Variants in SNX29 observed in about 807,000 individuals in gnomAD.
The protein encoded by SNX29 is sorting nexin-29.
A neutral mutation model predicts 102.1 loss-of-function variants in SNX29; 78 were observed. That is an observed-to-expected ratio of 0.76 (90% CI 0.64 to 0.92). The LOEUF is 0.92. SNX29 is among the 40% of genes least tolerant of loss of function. The pLI, the probability that SNX29 is intolerant of heterozygous loss-of-function variation, is 0.00. For synonymous variants in SNX29, 580 were observed against 414.5 expected (o/e 1.40, Z -4.85); for missense variants, 1,280 against 1,061.7 (o/e 1.21, Z -2.86).
chr16:12,144,038 T>A (rs972927363), intron 13 of SNX29, among the ~76,000 whole-genome samples: 7 of 152,176 alleles, frequency 4.6e-5, no homozygotes, highest in African/African-American at 1.7e-4. Context: ...AGAGATTAAA[T>A]TCTCATTGAG....
At position 12,313,773 on chromosome 16, in the gene SNX29, G is replaced by T. The variant is rs139722728; in HGVS notation, c.1782+35737G>T. On this transcript the variant is annotated intron_variant, in intron 15 of 20. Coordinates refer to ENST00000566228, the MANE Select transcript of SNX29 (RefSeq NM_032167.5). Reference sequence around the variant, plus strand: ...TGCCCCATTGGTATCAGTTGAGTCAGTGATTCTGTATGTGACAGATGATCA... The same window carrying T: ...TGCCCCATTGGTATCAGTTGAGTCATTGATTCTGTATGTGACAGATGATCA... Among the ~76,000 whole-genome samples the T allele has an allele frequency of 2.8e-4, 42 of 152,362 alleles. No individual in the cohort carries two copies. In the East Asian group the frequency reaches 6.8e-3, roughly 25 times the overall value.
At chr16:12,558,769 C>G (rs544871961) in intron 20 of SNX29, among the ~76,000 whole-genome samples, 1 of 152,230 alleles carries the variant, frequency 6.6e-6, no homozygotes, top group Admixed American at 6.5e-5. Flanking sequence ...GTGATCATCC[C>G]GCATTGTACA....
intron 2 of SNX29, 33 bp from the exon 3 acceptor site, chr16:12,002,957 AC>A (rs763330383): frequency 1.2e-6 from 2 of 1,613,892 alleles, no homozygotes; most frequent in Non-Finnish European, 1.7e-6. Context: ...TCCCATCCCA[AC>A]AGCTGATCTC....
chr16:12,408,539 G>T (rs902970102), intron 18 of SNX29, among the ~76,000 whole-genome samples: 1 of 152,236 alleles, frequency 6.6e-6, no homozygotes. Flanking sequence ...AAAGTCCTCC[G>T]GCCAGGTGCA....
At chr16:12,475,155 T>C (rs1413306133) in intron 18 of SNX29, among the ~76,000 whole-genome samples, 2 of 152,214 alleles carry the variant, frequency 1.3e-5, no homozygotes, top group African/African-American at 4.8e-5. Context: ...CCAGAAAGGT[T>C]GCACTGCTTG....
At chr16:12,506,422 TA>T (rs1205633469) in intron 19 of SNX29, among the ~76,000 whole-genome samples, 1 of 152,196 alleles carries the variant, frequency 6.6e-6, no homozygotes, top group Non-Finnish European at 1.5e-5. Context: ...TTGAAAGGAT[TA>T]TTCTAGTGCT....
intron 20 of SNX29, among the ~76,000 whole-genome samples, chr16:12,543,025 G>C (rs1406817955): frequency 9.2e-5 from 14 of 152,272 alleles, no homozygotes; most frequent in Admixed American, 6.5e-4. Context: ...GGAATGGCTG[G>C]ATCCAGAGGC....
intron 8 of SNX29, among the ~76,000 whole-genome samples, chr16:12,060,612 A>G (rs943121792): frequency 6.6e-6 from 1 of 152,166 alleles, no homozygotes; most frequent in East Asian, 1.9e-4. Context: ...CTAAAACAAA[A>G]CAAGGGACTT....
At chr16:12,495,909 C>G (rs1462311269) in intron 19 of SNX29, among the ~76,000 whole-genome samples, 2 of 152,090 alleles carry the variant, frequency 1.3e-5, no homozygotes, top group African/African-American at 4.8e-5. Context: ...AAAAATTAGA[C>G]AGATACGGTG....
chr16:12,186,072 C>T (rs186121637), intron 13 of SNX29, among the ~76,000 whole-genome samples: 1 of 152,094 alleles, frequency 6.6e-6, no homozygotes, highest in Non-Finnish European at 1.5e-5. Context: ...ATTTAATATG[C>T]TGTTTTTATA....
At chr16:12,054,166 C>A (rs561836284) in intron 8 of SNX29, among the ~76,000 whole-genome samples, 1 of 152,292 alleles carries the variant, frequency 6.6e-6, no homozygotes, top group African/African-American at 2.4e-5. Context: ...CAGGGTTTCA[C>A]CCTGTTAGCC....
chr16:12,036,850 G>A (rs2057490331), intron 4 of SNX29, among the ~76,000 whole-genome samples: 1 of 152,112 alleles, frequency 6.6e-6, no homozygotes, highest in African/African-American at 2.4e-5. Flanking sequence ...GGTTGCAAAT[G>A]ATAGAAAATT....
At chr16:12,455,009 A>G (rs1048085229) in intron 18 of SNX29, among the ~76,000 whole-genome samples, 2 of 152,076 alleles carry the variant, frequency 1.3e-5, no homozygotes, top group African/African-American at 4.8e-5. Flanking sequence ...CGGCCTCCCA[A>G]AGTGCTGAGA....
intron 19 of SNX29, among the ~76,000 whole-genome samples, chr16:12,500,918 C>A (rs3902080): frequency 0.15 from 23,056 of 152,142 alleles, 1,886 homozygotes; most frequent in East Asian, 0.25. Context: ...GTGGAGGGCA[C>A]CTGTTGCTCA....
intron 14 of SNX29, among the ~76,000 whole-genome samples, chr16:12,209,053 A>C (rs1203438409): frequency 6.6e-6 from 1 of 152,118 alleles, no homozygotes; most frequent in Non-Finnish European, 1.5e-5. Context: ...CTCTTTCTGT[A>C]AGGTGCTTTT....
intron 8 of SNX29, 141 bp downstream of exon 8, chr16:12,052,363 C>A: frequency 2.4e-6 from 2 of 831,930 alleles, no homozygotes. Context: ...ATTACAGGCA[C>A]CTGTCACCAC....
intron 20 of SNX29, among the ~76,000 whole-genome samples, chr16:12,563,099 C>T (rs560000371): frequency 2.8e-5 from 4 of 142,096 alleles, no homozygotes; most frequent in South Asian, 2.4e-4. Flanking sequence ...ATAGAAGACG[C>T]ACGCTAACAA....
chr16:12,497,376 A>G (rs944921746), intron 19 of SNX29, among the ~76,000 whole-genome samples: 1 of 152,240 alleles, frequency 6.6e-6, no homozygotes, highest in Non-Finnish European at 1.5e-5. Flanking sequence ...TCACAGTCTC[A>G]TAGGGCCTCC....
chr16:12,423,365 T>C (rs970332297), intron 18 of SNX29, among the ~76,000 whole-genome samples: 2 of 151,932 alleles, frequency 1.3e-5, no homozygotes, highest in African/African-American at 4.8e-5. Context: ...AGGATGAACA[T>C]CGGGCATGAG....
Sources: allele counts gnomAD v4.1 joint callset (sites outside exome capture counted in the v4.1 genomes callset), GRCh38; gene constraint gnomAD v4.1.1; transcripts MANE v1.5; gene names NCBI Gene and HGNC (gene_info 2026-07-23, HGNC 2026-07-21).